Variants in NEGR1 observed in about 807,000 individuals in gnomAD.
The protein encoded by NEGR1 is neuronal growth regulator 1.
Under a neutral mutation model 40.9 loss-of-function variants are expected in NEGR1, and 10 were observed. That is an observed-to-expected ratio of 0.24 (90% CI 0.15 to 0.42). The LOEUF is 0.42. Ranked by LOEUF, NEGR1 falls within the 10% of genes least tolerant of loss-of-function variation. The pLI, the probability that NEGR1 is intolerant of heterozygous loss-of-function variation, is 1.00. For synonymous variants in NEGR1, 185 were observed against 166.8 expected, an observed-to-expected ratio of 1.11 and a Z score of -0.84; for missense variants, 352 against 438.9, an observed-to-expected ratio of 0.80 and a Z score of 1.77.
chr1:72,262,259 A>G (rs1655482656), intron 1 of NEGR1, among the ~76,000 whole-genome samples: 1 of 152,068 alleles, frequency 6.6e-6, no homozygotes, highest in Non-Finnish European at 1.5e-5. Flanking sequence ...TGTAGAAATT[A>G]TGATTTCTAT....
intron 2 of NEGR1, among the ~76,000 whole-genome samples, chr1:71,810,986 T>G (rs1039456269): frequency 6.6e-6 from 1 of 152,158 alleles, no homozygotes; most frequent in Non-Finnish European, 1.5e-5. Context: ...ATTTCTCAAA[T>G]TTGCTTTTCC....
intron 3 of NEGR1, among the ~76,000 whole-genome samples, chr1:71,705,353 A>C (rs1653852635): frequency 6.6e-6 from 1 of 152,234 alleles, no homozygotes; most frequent in African/African-American, 2.4e-5. Flanking sequence ...AGGTGTTTAG[A>C]TATTACACAG....
intron 5 of NEGR1, among the ~76,000 whole-genome samples, chr1:71,600,095 C>T (rs1036886104): frequency 6.6e-6 from 1 of 152,146 alleles, no homozygotes; most frequent in African/African-American, 2.4e-5. Context: ...AATCAGCTTC[C>T]TTTCTCTGAT....
At chr1:71,841,586 G>C (rs1486965504) in intron 2 of NEGR1, among the ~76,000 whole-genome samples, 1 of 152,086 alleles carries the variant, frequency 6.6e-6, no homozygotes, top group Non-Finnish European at 1.5e-5. Context: ...ATAATGTGGT[G>C]GTTATGAGTA....
intron 6 of NEGR1, among the ~76,000 whole-genome samples, chr1:71,544,919 G>A (rs1647837245): frequency 6.6e-6 from 1 of 151,662 alleles, no homozygotes; most frequent in Non-Finnish European, 1.5e-5. Flanking sequence ...CTCTTTCCAG[G>A]CTCTTTCCTC....
intron 2 of NEGR1, among the ~76,000 whole-genome samples, chr1:71,851,350 C>A (rs1485589058): frequency 6.6e-6 from 1 of 151,948 alleles, no homozygotes; most frequent in Admixed American, 6.6e-5. Flanking sequence ...AGTTTTGATG[C>A]CTTATACTGA....
intron 2 of NEGR1, among the ~76,000 whole-genome samples, chr1:71,821,731 A>G (rs1368067322): frequency 6.6e-6 from 1 of 152,014 alleles, no homozygotes; most frequent in Non-Finnish European, 1.5e-5. Flanking sequence ...AGACATCATG[A>G]CATTTGTAGC....
At chr1:72,121,050 G>A (rs1649784160) in intron 1 of NEGR1, among the ~76,000 whole-genome samples, 1 of 151,982 alleles carries the variant, frequency 6.6e-6, no homozygotes, top group African/African-American at 2.4e-5. Flanking sequence ...GGTGTACAGA[G>A]GTTATTTTTC....
intron 4 of NEGR1, among the ~76,000 whole-genome samples, chr1:71,664,824 T>C (rs955951205): frequency 6.6e-6 from 1 of 152,192 alleles, no homozygotes; most frequent in African/African-American, 2.4e-5. Context: ...CTGTTTAAGT[T>C]GATCCTACTA....
chr1:72,121,560 T>C (rs1275773949), intron 1 of NEGR1, among the ~76,000 whole-genome samples: 2 of 151,950 alleles, frequency 1.3e-5, no homozygotes, highest in Non-Finnish European at 2.9e-5. Context: ...AAGAAAAACA[T>C]GTCAGCAGAC....
intron 1 of NEGR1, among the ~76,000 whole-genome samples, chr1:72,082,966 A>G (rs979229753): frequency 4.6e-5 from 7 of 152,138 alleles, no homozygotes; most frequent in Admixed American, 4.6e-4. Context: ...TACCATTGTT[A>G]TAAGTGGTCA....
At chr1:72,001,053 A>C (rs1280000547) in intron 1 of NEGR1, among the ~76,000 whole-genome samples, 1 of 152,118 alleles carries the variant, frequency 6.6e-6, no homozygotes, top group African/African-American at 2.4e-5. Flanking sequence ...TAAAGGGAAC[A>C]AAGCAATATG....
At chr1:71,476,687 G>C (rs550422787) in intron 6 of NEGR1, among the ~76,000 whole-genome samples, 97 of 152,032 alleles carry the variant, frequency 6.4e-4, no homozygotes, top group African/African-American at 2.2e-3. Flanking sequence ...ACTGAGGTTC[G>C]GGAGAGCTTC....
intron 1 of NEGR1, among the ~76,000 whole-genome samples, chr1:72,112,303 A>C (rs1025563423): frequency 1.3e-5 from 2 of 150,970 alleles, no homozygotes; most frequent in Non-Finnish European, 3.0e-5. Flanking sequence ...ATTTTTCTCT[A>C]CATAATTATC....
At chr1:71,954,225 T>G (rs1040786961) in intron 1 of NEGR1, among the ~76,000 whole-genome samples, 2 of 151,972 alleles carry the variant, frequency 1.3e-5, no homozygotes, top group Non-Finnish European at 2.9e-5. Context: ...AGTGAGGTTG[T>G]GGACTAGCAT....
chr1:71,594,698 T>C (rs1254764401), intron 5 of NEGR1, among the ~76,000 whole-genome samples: 1 of 152,246 alleles, frequency 6.6e-6, no homozygotes, highest in Non-Finnish European at 1.5e-5. Flanking sequence ...GCAACATTTA[T>C]GCTAAATTCC....
chr1:71,751,162 G>T (rs1453997784), intron 3 of NEGR1, among the ~76,000 whole-genome samples: 2 of 151,754 alleles, frequency 1.3e-5, no homozygotes, highest in Non-Finnish European at 2.9e-5. Flanking sequence ...ATATGACTGA[G>T]TAATTCAGTA....
intron 1 of NEGR1, among the ~76,000 whole-genome samples, chr1:72,267,978 T>A (rs1035651145): frequency 1.3e-5 from 2 of 150,952 alleles, no homozygotes; most frequent in East Asian, 3.9e-4. Flanking sequence ...AAGAAAAGCA[T>A]CCCAGATGGA....
At chr1:72,281,602 TAGAC>T (rs1378669026) in intron 1 of NEGR1, among the ~76,000 whole-genome samples, 1 of 144,626 alleles carries the variant, frequency 6.9e-6, no homozygotes, top group African/African-American at 2.6e-5. Flanking sequence ...ATAAAAAAAA[TAGAC>T]AAAAAGAAAA....
Sources: gnomAD v4.1 joint callset for allele counts (sites outside exome capture counted in the v4.1 genomes callset) on GRCh38, gnomAD v4.1.1 for gene constraint, MANE v1.5 for transcripts, NCBI Gene and HGNC (gene_info 2026-07-23, HGNC 2026-07-21) for gene names.